Variants in ZNF678 observed in about 807,000 individuals in gnomAD.
The protein encoded by ZNF678 is hypothetical protein MGC42493.
In ZNF678, 5 loss-of-function variants were observed where a neutral mutation model predicts 3.0. The observed-to-expected ratio is 1.69, with a 90% CI of 0.88 to 3.56. ZNF678 has a LOEUF of 3.56. ZNF678 is among the 30% of genes most tolerant of loss of function. The probability of loss-of-function intolerance (pLI) is 0.00; values close to 1 mark genes in which losing one functional copy is unlikely to be tolerated. For synonymous variants in ZNF678, 218 were observed against 199.6 expected (o/e 1.09, Z -0.78); for missense variants, 593 against 605.0 (o/e 0.98, Z 0.21).
chr1:227,576,632 T>C (rs184216300), intron 1 of ZNF678, among the ~76,000 whole-genome samples: 2 of 152,304 alleles, frequency 1.3e-5, no homozygotes, highest in East Asian at 3.9e-4. Context: ...ATCTTCTCTC[T>C]TTTTTACTTT....
intron 1 of ZNF678, among the ~76,000 whole-genome samples, chr1:227,621,706 T>A (rs1658284024): frequency 6.6e-6 from 1 of 152,196 alleles, no homozygotes; most frequent in African/African-American, 2.4e-5. Context: ...TATAAGCCAG[T>A]AATGCAATTC....
chr1:227,679,137 G>T (rs1659727911), downstream of ZNF678, among the ~76,000 whole-genome samples: 1 of 151,634 alleles, frequency 6.6e-6, no homozygotes, highest in Non-Finnish European at 1.5e-5. Context: ...GGACCAAAAA[G>T]GCTTAAATGA....
At chr1:227,665,354 G>T (rs762845343), downstream of ZNF678, among the ~76,000 whole-genome samples, 2 of 152,178 alleles carry the variant, frequency 1.3e-5, no homozygotes, top group Non-Finnish European at 2.9e-5. Context: ...CGCTTGTGCT[G>T]CATATCAGGT....
Position 227,638,100 on chromosome 1 carries a change from G to T in ZNF678, c.-163-8444G>T, listed in dbSNP as rs1658725634. On this transcript the variant is annotated intron_variant, in intron 1 of 3. Transcript: ENST00000343776. The surrounding 1 kb of genome is among the most constrained non-coding windows in gnomAD (Gnocchi z 4.2). ...AGCAAGGGCCTGTCCAAAAAGGTGG[G>T]GGCTGTCTCTGAAACATTGAGGTGG... Among the ~76,000 whole-genome samples, 1 of 152,120 alleles carries T rather than the reference G, an allele frequency of 6.6e-6. No individual in the cohort carries two copies. The highest frequency in any genetic ancestry group is 1.5e-5 in the Non-Finnish European group (1 of 68,032).
intron 1 of ZNF678, among the ~76,000 whole-genome samples, chr1:227,629,184 G>A (rs547733914): frequency 1.3e-5 from 2 of 152,210 alleles, no homozygotes; most frequent in Admixed American, 6.5e-5. Flanking sequence ...CTTGTGCCTC[G>A]GGTCTAAGGG....
chr1:227,565,424 A>T (rs1344132525), intron 1 of ZNF678, among the ~76,000 whole-genome samples: 1 of 152,102 alleles, frequency 6.6e-6, no homozygotes, highest in Non-Finnish European at 1.5e-5. Context: ...TGACATTGTC[A>T]TAGCTCACTG....
In ZNF678 at chr1:227,579,280, G is replaced by A. The variant is rs558241659; in HGVS notation, c.-164+15556G>A. On this transcript the variant is annotated intron_variant, in intron 1 of 3. Coordinates refer to ENST00000343776, the MANE Select transcript of ZNF678 (RefSeq NM_001367909.1). ...GAGTGTGTGTGCCATTGTGCTGGAG[G>A]TGGTGTTGGCTTAGGGCCAGGGTGC... Among the ~76,000 whole-genome samples the A allele has an allele frequency of 2.6e-5, 4 of 152,254 alleles. No homozygotes were observed. In the South Asian group the frequency reaches 6.2e-4, roughly 24 times the overall value.
chr1:227,676,422 A>G (rs1445201721), intron 5 of ZNF678, among the ~76,000 whole-genome samples: 1 of 152,246 alleles, frequency 6.6e-6, no homozygotes, highest in Non-Finnish European at 1.5e-5. Context: ...CCACAATAGC[A>G]GAACTAGACT....
Position 227,646,650 on chromosome 1 carries a change from A to G in ZNF678, c.-57A>G. The G allele has an allele frequency of 1.5e-6, 2 of 1,372,348 alleles. No individual in the cohort carries two copies. Among genetic ancestry groups the G allele is most frequent in the Non-Finnish European group, 2.0e-6 (2 of 1,024,724 alleles). 85.0% of individuals were successfully genotyped at this position (1,372,348 alleles called of 1,614,324 possible). A position where few individuals can be genotyped will look rare whatever the true frequency, so the allele number is the denominator to read the frequency against. On this transcript the variant is annotated 5_prime_UTR_variant, in exon 2 of 4. Coordinates refer to ENST00000343776, the MANE Select transcript of ZNF678 (RefSeq NM_001367909.1). ...TATAGGGATGTGATGTTCGAGAACTACAGAAACCTGGTCTCCCTGGGTGAG... is the reference window on the plus strand; with the variant it reads ...TATAGGGATGTGATGTTCGAGAACTGCAGAAACCTGGTCTCCCTGGGTGAG...
Position 227,646,573 on chromosome 1 carries a change from A to G in ZNF678, c.-134A>G. ...TACTGGCATTCAGTGATGTGGTCAT[A>G]GAATTCTCTCCAGAGGAGTGGGCAT... On this transcript the variant is annotated 5_prime_UTR_variant, in exon 2 of 4. In the 5' UTR this introduces an upstream ATG that the reference lacks. Transcript: ENST00000343776. 2 of 1,371,924 alleles carry G rather than the reference A, an allele frequency of 1.5e-6. No homozygotes were observed. The highest frequency in any genetic ancestry group is 1.5e-5 in the African/African-American group (1 of 67,906). The allele number at this position is 1,371,924 out of a possible 1,614,324, so 85.0% of individuals were successfully genotyped here.
intron 1 of ZNF678, chr1:227,598,544 C>A: frequency 1.9e-6 from 2 of 1,035,570 alleles, no homozygotes; most frequent in Non-Finnish European, 2.8e-6. Context: ...TGCTTTTCTT[C>A]TTTTTTGCTC....
intron 1 of ZNF678, chr1:227,582,603 A>G: frequency 4.3e-6 from 1 of 234,592 alleles, no homozygotes; most frequent in Admixed American, 4.7e-5. Flanking sequence ...TTCTTAGATT[A>G]CAGGTATGAG....
chr1:227,633,352 C>G (rs1319210398), intron 1 of ZNF678, among the ~76,000 whole-genome samples: 1 of 152,212 alleles, frequency 6.6e-6, no homozygotes, highest in African/African-American at 2.4e-5. Flanking sequence ...GTCCCTCTCC[C>G]TGTGCTCTCA....
downstream of ZNF678, among the ~76,000 whole-genome samples, chr1:227,666,118 A>T (rs563381391): frequency 6.6e-6 from 1 of 152,338 alleles, no homozygotes; most frequent in East Asian, 1.9e-4. Context: ...TATCTGACGT[A>T]TATTGCATTA....
chr1:227,592,559 A>T lies in ZNF678; in HGVS notation c.-164+28835A>T, dbSNP rs984773473. 1.4e-4 allele frequency among the ~76,000 whole-genome samples: 21 copies of T among 152,308 alleles called. No individual in the cohort carries two copies. In the East Asian group the frequency reaches 3.3e-3, roughly 24 times the overall value. On this transcript the variant is annotated intron_variant, in intron 1 of 3. Coordinates refer to ENST00000343776, the MANE Select transcript of ZNF678 (RefSeq NM_001367909.1). ...TGGGGCCGACATGAGTTTTTCTTTA[A>T]CTCATGAAAAGCTTGTTGCTGTTGG...
At position 227,651,079 on chromosome 1, in the gene ZNF678, A is replaced by G; in HGVS notation, c.85+3A>G. ...TTTTTATAAACTGGTTTATACAGGT[A>G]AAGATTTTATCCTATTGGGTCTCCA... On this transcript the variant is annotated splice_donor_region_variant and intron_variant, in intron 3 of 3. Coordinates refer to ENST00000343776, the MANE Select transcript of ZNF678 (RefSeq NM_001367909.1). 1 of 1,613,138 alleles carries G rather than the reference A, an allele frequency of 6.2e-7. No homozygotes were observed.
chr1:227,626,957 G>A (rs1658434589), intron 1 of ZNF678, among the ~76,000 whole-genome samples: 1 of 150,994 alleles, frequency 6.6e-6, no homozygotes, highest in African/African-American at 2.4e-5. Flanking sequence ...GAAGGCCTCC[G>A]CCCAACCAGT....
chr1:227,666,471 T>G (rs991006165), downstream of ZNF678, among the ~76,000 whole-genome samples: 8 of 152,206 alleles, frequency 5.3e-5, no homozygotes, highest in Non-Finnish European at 1.2e-4. Context: ...CTCTGGGAAC[T>G]AAACTGTTTT....
chr1:227,626,712 T>C (rs1410039648), intron 1 of ZNF678, among the ~76,000 whole-genome samples: 1 of 152,090 alleles, frequency 6.6e-6, no homozygotes, highest in Non-Finnish European at 1.5e-5. Flanking sequence ...TTAGGTTAGC[T>C]TTTTTAGATG....
Sources: gnomAD v4.1 joint callset for allele counts (sites outside exome capture counted in the v4.1 genomes callset) on GRCh38, gnomAD v4.1.1 for gene constraint, Gnocchi (gnomAD v3.1) non-coding constraint, MANE v1.5 for transcripts, NCBI Gene and HGNC (gene_info 2026-07-23, HGNC 2026-07-21) for gene names.